Variants in ASNS observed in about 807,000 individuals in gnomAD.
The protein encoded by ASNS is asparagine synthetase [glutamine-hydrolyzing].
A neutral mutation model predicts 62.6 loss-of-function variants in ASNS; 37 were observed. The ratio of observed to expected loss-of-function variants is 0.59; its 90% CI spans 0.45 to 0.78. The LOEUF (loss-of-function observed/expected upper bound fraction) is 0.78, where lower values mean the gene tolerates loss of function less well. Among genes scored for constraint, ASNS ranks in the 30% least tolerant of loss-of-function variants. The pLI, the probability that ASNS is intolerant of heterozygous loss-of-function variation, is 0.00. For missense variants in ASNS, 520 were observed against 682.4 expected (o/e 0.76, Z 2.65); for synonymous variants, 207 against 237.9 (o/e 0.87, Z 1.19).
chr7:97,912,867 C>A, the ASNS span: 1 of 149,374 alleles, frequency 6.7e-6, no homozygotes, highest in Non-Finnish European at 1.5e-5. Flanking sequence ...CAGGCATGAG[C>A]CACCCTGCCC....
the ASNS span, among the ~76,000 whole-genome samples, chr7:97,919,652 C>A: frequency 6.6e-6 from 1 of 152,192 alleles, no homozygotes; most frequent in South Asian, 2.1e-4. Context: ...AGGACACAAG[C>A]CCTGGCCAGT....
At chr7:97,887,833 C>A in the ASNS span, among the ~76,000 whole-genome samples, 1 of 152,194 alleles carries the variant, frequency 6.6e-6, no homozygotes, top group Admixed American at 6.5e-5. Context: ...TAGATTTTAA[C>A]CAATTTTTAA....
At chr7:97,896,676 G>A in the ASNS span, among the ~76,000 whole-genome samples, 8 of 129,570 alleles carry the variant, frequency 6.2e-5, no homozygotes, top group African/African-American at 8.3e-5. Flanking sequence ...GTATATGTGT[G>A]TGTGTATATA....
chr7:97,920,413 C>T, the ASNS span, among the ~76,000 whole-genome samples: 3 of 152,174 alleles, frequency 2.0e-5, no homozygotes, highest in South Asian at 6.2e-4. Context: ...CAATGCCCCC[C>T]GGCCCTGGCT....
chr7:97,918,785 G>C, the ASNS span, among the ~76,000 whole-genome samples: 1 of 152,096 alleles, frequency 6.6e-6, no homozygotes, highest in Non-Finnish European at 1.5e-5. Context: ...TCGGGGGTGG[G>C]GAACAAGGGG....
the ASNS span, among the ~76,000 whole-genome samples, chr7:97,890,206 A>G: frequency 1.4e-4 from 21 of 152,126 alleles, no homozygotes; most frequent in Non-Finnish European, 2.5e-4. Flanking sequence ...TATGGGACAC[A>G]TATGTCACCA....
the ASNS span, among the ~76,000 whole-genome samples, chr7:97,888,326 C>CTTT: frequency 7.6e-6 from 1 of 132,422 alleles, no homozygotes; most frequent in Non-Finnish European, 1.7e-5. Context: ...GGGTTGCTTT[C>CTTT]TTTTTTTTTT....
chr7:97,893,386 A>G, the ASNS span, among the ~76,000 whole-genome samples: 1 of 152,292 alleles, frequency 6.6e-6, no homozygotes, highest in Non-Finnish European at 1.5e-5. Context: ...GTCCTCACCT[A>G]TCAATAATAA....
the ASNS span, among the ~76,000 whole-genome samples, chr7:97,896,737 CACACAT>C: frequency 4.2e-3 from 128 of 30,506 alleles, 1 homozygote; most frequent in East Asian, 0.014. Context: ...CACACACACA[CACACAT>C]ATATATATAT....
chr7:97,892,505 T>C, the ASNS span, among the ~76,000 whole-genome samples: 9 of 152,064 alleles, frequency 5.9e-5, no homozygotes, highest in Admixed American at 5.2e-4. Context: ...TTTCCAAACT[T>C]TCATGCTCTG....
the ASNS span, among the ~76,000 whole-genome samples, chr7:97,901,611 A>AT: frequency 1.3e-5 from 2 of 152,248 alleles, no homozygotes; most frequent in African/African-American, 4.8e-5. Context: ...AAGATTCCAG[A>AT]AATTGTGCAT....
At chr7:97,892,351 C>T in the ASNS span, among the ~76,000 whole-genome samples, 2 of 152,214 alleles carry the variant, frequency 1.3e-5, no homozygotes, top group Non-Finnish European at 2.9e-5. Context: ...CCATGAAGAC[C>T]TGTGACATGC....
At chr7:97,867,150 C>G (rs1792018306) in intron 3 of ASNS, among the ~76,000 whole-genome samples, 1 of 46 alleles carries the variant, frequency 0.022, no homozygotes, top group Non-Finnish European at 0.045. Flanking sequence ...TTTGACTTGG[C>G]TGCAGGCCCT....
chr7:97,853,720 G>T (rs149640466), intron 10 of ASNS, among the ~76,000 whole-genome samples: 117 of 152,226 alleles, frequency 7.7e-4, no homozygotes, highest in African/African-American at 2.7e-3. Context: ...AAAATACCTT[G>T]CCTAGACCTA....
At chr7:97,870,193 C>T in intron 1 of ASNS, 1 of 977,192 alleles carries the variant, frequency 1.0e-6, no homozygotes, top group Non-Finnish European at 1.4e-6. Context: ...CCCTGTTTGG[C>T]AGTGATGACT....
At chr7:97,883,772 C>A in the ASNS span, among the ~76,000 whole-genome samples, 1 of 151,288 alleles carries the variant, frequency 6.6e-6, no homozygotes, top group Admixed American at 6.6e-5. Flanking sequence ...CGGATCATGA[C>A]GTTAGGAGAT....
intron 1 of ASNS, among the ~76,000 whole-genome samples, chr7:97,870,959 C>T (rs1433256742): frequency 6.6e-6 from 1 of 152,120 alleles, no homozygotes; most frequent in Non-Finnish European, 1.5e-5. Context: ...TGGAATCAGT[C>T]TTATAGGAGG....
At chr7:97,855,119 G>A (rs998659454) in intron 9 of ASNS, 4 of 452,986 alleles carry the variant, frequency 8.8e-6, no homozygotes, top group African/African-American at 2.0e-5. Context: ...CTGGGGGTAT[G>A]AGCATGAGCC....
the ASNS span, among the ~76,000 whole-genome samples, chr7:97,893,277 A>G: frequency 6.6e-6 from 1 of 152,274 alleles, no homozygotes; most frequent in Non-Finnish European, 1.5e-5. Flanking sequence ...CCCACAACAC[A>G]TGGGAATTCA....
Sources: gnomAD v4.1 joint callset for allele counts (sites outside exome capture counted in the v4.1 genomes callset) on GRCh38, gnomAD v4.1.1 for gene constraint, MANE v1.5 for transcripts, NCBI Gene and HGNC (gene_info 2026-07-23, HGNC 2026-07-21) for gene names.